Variants in GLUD1 observed in about 807,000 individuals in gnomAD.
The protein encoded by GLUD1 is glutamate dehydrogenase 1, mitochondrial.
In GLUD1, 22 loss-of-function variants were observed where a neutral mutation model predicts 56.0. The observed-to-expected ratio is 0.39, with a 90% CI of 0.28 to 0.56. The LOEUF is 0.56. GLUD1 is among the 20% of genes least tolerant of loss of function. GLUD1 has a pLI of 0.58. For synonymous variants in GLUD1, 223 were observed against 269.9 expected, an observed-to-expected ratio of 0.83 and a Z score of 1.70; for missense variants, 451 against 732.0, an observed-to-expected ratio of 0.62 and a Z score of 4.43.
chr10:87,094,042 AGGAGACC>A lies in GLUD1; in HGVS notation c.445+276_445+282del. On this transcript the variant is annotated intron_variant, in intron 1 of 12. Coordinates refer to ENST00000277865, the MANE Select transcript of GLUD1 (RefSeq NM_005271.5). The surrounding 1 kb of genome is among the most constrained non-coding windows in gnomAD (Gnocchi z 6.6). Reference sequence around the variant, plus strand: ...GTGTGACACAGACACCGGGACCAAAAGGAGACCGGTGCAGCGTCTACTCTGCATGCAA... The same window carrying A: ...GTGTGACACAGACACCGGGACCAAAAGGTGCAGCGTCTACTCTGCATGCAA... 1 of 1,498,332 alleles carries A rather than the reference AGGAGACC, an allele frequency of 6.7e-7. No individual in the cohort carries two copies. Among genetic ancestry groups the A allele is most frequent in the Non-Finnish European group, 8.9e-7 (1 of 1,122,962 alleles). 92.8% of individuals were successfully genotyped at this position (1,498,332 alleles called of 1,614,324 possible). A position where few individuals can be genotyped will look rare whatever the true frequency, so the allele number is the denominator to read the frequency against.
intron 5 of GLUD1, among the ~76,000 whole-genome samples, chr10:87,063,979 C>T (rs1018657919): frequency 5.3e-5 from 8 of 152,080 alleles, no homozygotes; most frequent in African/African-American, 1.2e-4. Flanking sequence ...CCCGGGTTCA[C>T]GCCATTCTCC....
At chr10:87,091,516 G>C in intron 1 of GLUD1, 1 of 364,212 alleles carries the variant, frequency 2.7e-6, no homozygotes, top group African/African-American at 2.2e-5. Flanking sequence ...ATGCCCCTTT[G>C]CTGGAAATAT....
intron 11 of GLUD1, among the ~76,000 whole-genome samples, chr10:87,056,620 G>A (rs749509351): frequency 2.6e-5 from 4 of 152,040 alleles, no homozygotes; most frequent in African/African-American, 4.8e-5. Context: ...TAACATCATC[G>A]TGCATGGAGT....
chr10:87,077,778 G>C (rs1846440186), intron 1 of GLUD1, among the ~76,000 whole-genome samples: 1 of 151,936 alleles, frequency 6.6e-6, no homozygotes, highest in African/African-American at 2.4e-5. Flanking sequence ...GGGGCACTGG[G>C]TGTTTGTGTG....
At chr10:87,076,414 C>G (rs942445977) in intron 2 of GLUD1, among the ~76,000 whole-genome samples, 162 bp downstream of exon 2, 1 of 151,874 alleles carries the variant, frequency 6.6e-6, no homozygotes, top group South Asian at 2.1e-4. Context: ...AAGGCTATAT[C>G]TTAATTTAGA....
chr10:87,057,929 C>T (rs1270880813), intron 10 of GLUD1, 147 bp from the exon 11 acceptor site: 9 of 629,302 alleles, frequency 1.4e-5, no homozygotes, highest in African/African-American at 9.2e-5. Context: ...AGTGTAGAGG[C>T]GTGATCTCAG....
intron 4 of GLUD1, among the ~76,000 whole-genome samples, chr10:87,072,457 T>A (rs1846265339): frequency 6.6e-6 from 1 of 152,190 alleles, no homozygotes; most frequent in Non-Finnish European, 1.5e-5. Context: ...GAATGGGCAG[T>A]CAGGAAATAA....
chr10:87,066,744 T>C (rs1051440306), intron 5 of GLUD1, among the ~76,000 whole-genome samples: 4 of 152,232 alleles, frequency 2.6e-5, no homozygotes, highest in African/African-American at 9.6e-5. Flanking sequence ...ATCCCAATTG[T>C]AGTGAATACC....
intron 8 of GLUD1, 41 bp from the exon 9 acceptor site, chr10:87,060,282 C>T (rs759041919): frequency 1.3e-5 from 17 of 1,293,684 alleles, no homozygotes; most frequent in East Asian, 4.6e-5. Flanking sequence ...CGAACACCAC[C>T]GTCAAATCCC....
In GLUD1 at chr10:87,076,565, C is replaced by T. The variant is rs757850230; in HGVS notation, c.526+11G>A. 1.7e-5 allele frequency: 26 copies of T among 1,529,074 alleles called. No homozygotes were observed. The highest frequency in any genetic ancestry group is 4.5e-5 in the East Asian group (2 of 44,500). The allele number at this position is 1,529,074 out of a possible 1,614,324, so 94.7% of individuals were successfully genotyped here. A position where few individuals can be genotyped will look rare whatever the true frequency, so the allele number is the denominator to read the frequency against. ...AGTTCTCATTAGGCAGCAAGAAAGG[C>T]GATCACTTACCAACCACTGCACACT... On this transcript the variant is annotated intron_variant, in intron 2 of 12. Transcript: ENST00000277865.
chr10:87,054,981 C>T (rs1052201762), intron 11 of GLUD1, among the ~76,000 whole-genome samples: 4 of 152,154 alleles, frequency 2.6e-5, no homozygotes, highest in African/African-American at 9.7e-5. Context: ...TATCTGTGAA[C>T]AGATAGCAGG....
chr10:87,069,376 G>A (rs1236671746), intron 4 of GLUD1, among the ~76,000 whole-genome samples: 2 of 151,896 alleles, frequency 1.3e-5, no homozygotes, highest in African/African-American at 2.4e-5. Context: ...TTAGCCGGGC[G>A]TGGTGGCACA....
At chr10:87,073,311 G>A (rs140142378) in intron 4 of GLUD1, among the ~76,000 whole-genome samples, 3 of 152,116 alleles carry the variant, frequency 2.0e-5, no homozygotes, top group Admixed American at 1.3e-4. Flanking sequence ...GCACCATCAC[G>A]CTTGGATAAT....
chr10:87,055,089 C>T (rs968798445), intron 11 of GLUD1, among the ~76,000 whole-genome samples: 2 of 152,206 alleles, frequency 1.3e-5, no homozygotes, highest in African/African-American at 2.4e-5. Context: ...AGCAGTATGA[C>T]TGCTGGGCAG....
rs764675203 is a variant in GLUD1, at chr10:87,076,016, C to A, written c.534G>T (p.Pro178=). The A allele has an allele frequency of 8.1e-6, 13 of 1,599,346 alleles. No homozygotes were observed. The highest frequency in any genetic ancestry group is 1.1e-5 in the Non-Finnish European group (13 of 1,172,532). Residue 178 remains proline, a synonymous_variant, in exon 3 of 13, where the codon CCG becomes CCT. Transcript: ENST00000277865. Reference sequence around the variant, plus strand: ...TAACACCAGCTTTAGCACCCCCAAACGGCACATCTGAAAGAGAAGGCTGAT... The same window carrying A: ...TAACACCAGCTTTAGCACCCCCAAAAGGCACATCTGAAAGAGAAGGCTGAT... ...MTYKCAVVDV[P]FGGAKAGVKI...
Position 87,094,565 on chromosome 10 carries a change from T to A in GLUD1, c.205A>T (p.Met69Leu). ...DREDDPNFFK[M>L]VEGFFDRGAS... ...CCGCGATCGAAGAAGCCCTCCACCA[T>A]CTTGAAGAAGTTGGGGTCGTCCTCG... The change falls in exon 1 of 13, where the codon ATG (methionine) becomes TTG (leucine). Residue 69 changes from methionine (M) to leucine (L), a missense_variant. Physicochemically the swap from Met to Leu is conservative, Grantham distance 15 (BLOSUM62 2). This residue lies in a region of GLUD1 where 158 missense variants were observed against 189.7 expected (regional missense o/e 0.83). Coordinates refer to ENST00000277865, the MANE Select transcript of GLUD1 (RefSeq NM_005271.5). The surrounding 1 kb of genome is among the most constrained non-coding windows in gnomAD (Gnocchi z 6.6). The A allele has an allele frequency of 6.2e-7, 1 of 1,611,954 alleles. No homozygotes were observed. Among genetic ancestry groups the A allele is most frequent in the Non-Finnish European group, 8.5e-7 (1 of 1,179,856 alleles).
intron 1 of GLUD1, among the ~76,000 whole-genome samples, chr10:87,093,139 C>T (rs1254133176): frequency 6.6e-6 from 1 of 152,182 alleles, no homozygotes; most frequent in Non-Finnish European, 1.5e-5. Context: ...GGAACACCAG[C>T]ACCGCTCAAG....
chr10:87,060,913 A>G lies in GLUD1; in HGVS notation c.1059+2T>C, dbSNP rs1253616697. ...GTCTATGCTATAAAAATGTATTAAT[A>G]CCAATTTGAAGTCTTCCAGTTCCTT... On this transcript the variant is annotated splice_donor_variant, in intron 7 of 12. Coordinates refer to ENST00000277865, the MANE Select transcript of GLUD1 (RefSeq NM_005271.5). LOFTEE classifies it high-confidence loss of function. 2 of 1,614,056 alleles carry G rather than the reference A, an allele frequency of 1.2e-6. No individual in the cohort carries two copies. The highest frequency in any genetic ancestry group is 1.7e-5 in the Admixed American group (1 of 60,024).
chr10:87,094,290 C>A lies in GLUD1; in HGVS notation c.445+35G>T, dbSNP rs749215292. 1.3e-6 allele frequency: 2 copies of A among 1,567,908 alleles called. No individual in the cohort carries two copies. The highest frequency in any genetic ancestry group is 1.7e-6 in the Non-Finnish European group (2 of 1,157,370). On this transcript the variant is annotated intron_variant, in intron 1 of 12. Coordinates refer to ENST00000277865, the MANE Select transcript of GLUD1 (RefSeq NM_005271.5). The surrounding 1 kb of genome is among the most constrained non-coding windows in gnomAD (Gnocchi z 6.6). ...CCGGAGGGGAGGGCCGCAGGGGAGGCAGGGAGGGCGGGACGGGGCCCGGCC... is the reference window on the plus strand; with the variant it reads ...CCGGAGGGGAGGGCCGCAGGGGAGGAAGGGAGGGCGGGACGGGGCCCGGCC...
Sources: gnomAD v4.1 joint callset for allele counts (sites outside exome capture counted in the v4.1 genomes callset) on GRCh38, gnomAD v4.1.1 for gene constraint, gnomAD v4.1.1 regional missense constraint, Gnocchi (gnomAD v3.1) non-coding constraint, MANE v1.5 for transcripts, NCBI Gene and HGNC (gene_info 2026-07-23, HGNC 2026-07-21) for gene names.